Variants in XKR6 observed in about 807,000 individuals in gnomAD.
The protein encoded by XKR6 is XK related 6.
XKR6 carries 22 observed loss-of-function variants against 56.7 expected under a neutral mutation model. The ratio of observed to expected loss-of-function variants is 0.39; its 90% CI spans 0.28 to 0.55. The LOEUF (loss-of-function observed/expected upper bound fraction) is 0.55, where lower values mean the gene tolerates loss of function less well. XKR6 is among the 20% of genes least tolerant of loss of function. The probability of loss-of-function intolerance (pLI) is 0.66; values close to 1 mark genes in which losing one functional copy is unlikely to be tolerated. For synonymous variants in XKR6, 524 were observed against 387.8 expected (o/e 1.35, Z -4.13); for missense variants, 852 against 889.0 (o/e 0.96, Z 0.53).
intron 1 of XKR6, among the ~76,000 whole-genome samples, chr8:10,944,058 C>T (rs771697550): frequency 4.3e-4 from 65 of 152,226 alleles, no homozygotes; most frequent in Non-Finnish European, 9.1e-4. Flanking sequence ...AAGAGAGAAG[C>T]CTCTCCAGCT....
At chr8:11,038,177 T>G (rs1799194240) in intron 1 of XKR6, among the ~76,000 whole-genome samples, 1 of 152,230 alleles carries the variant, frequency 6.6e-6, no homozygotes, top group Non-Finnish European at 1.5e-5. Context: ...ATTCTAAGTT[T>G]TAACTTATGG....
intron 1 of XKR6, among the ~76,000 whole-genome samples, chr8:11,185,278 C>G (rs1367957514): frequency 7.9e-5 from 12 of 152,158 alleles, no homozygotes; most frequent in Admixed American, 7.2e-4. Context: ...AGGTATGGCT[C>G]ACATTTATTT....
intron 1 of XKR6, among the ~76,000 whole-genome samples, chr8:11,049,389 G>C (rs1273915332): frequency 6.6e-6 from 1 of 152,180 alleles, no homozygotes; most frequent in African/African-American, 2.4e-5. Context: ...GAGTCTATTT[G>C]TGAACAGGTG....
intron 1 of XKR6, among the ~76,000 whole-genome samples, chr8:11,054,951 C>A (rs1170669827): frequency 6.6e-6 from 1 of 152,144 alleles, no homozygotes; most frequent in African/African-American, 2.4e-5. Flanking sequence ...TGGGCTCAGG[C>A]CAATCCTGTC....
Position 10,979,828 on chromosome 8 carries a change from C to A in XKR6, c.765-54998G>T, listed in dbSNP as rs954262641. Among the ~76,000 whole-genome samples, 22 of 152,170 alleles carry A rather than the reference C, an allele frequency of 1.4e-4. No individual in the cohort carries two copies. The East Asian group carries it at 4.3e-3, about 29-fold the overall frequency. ...GAGGGGAGATCCAGGGCTGTGCCGTCACGCACAGACTCCCAGGCTGAGGTC... is the reference window on the plus strand; with the variant it reads ...GAGGGGAGATCCAGGGCTGTGCCGTAACGCACAGACTCCCAGGCTGAGGTC... On this transcript the variant is annotated intron_variant, in intron 1 of 2. Coordinates refer to ENST00000416569, the MANE Select transcript of XKR6 (RefSeq NM_173683.4).
intron 2 of XKR6, among the ~76,000 whole-genome samples, chr8:10,908,692 G>A (rs564753034): frequency 6.6e-6 from 1 of 152,266 alleles, no homozygotes; most frequent in South Asian, 2.1e-4. Flanking sequence ...TCCCTGCCAT[G>A]GTTTGAATGT....
At chr8:10,901,725 C>T (rs541249481) in intron 2 of XKR6, among the ~76,000 whole-genome samples, 40 of 152,260 alleles carry the variant, frequency 2.6e-4, no homozygotes, top group African/African-American at 7.9e-4. Context: ...CTCAGAAAAG[C>T]GTGAGTGCTG....
intron 1 of XKR6, among the ~76,000 whole-genome samples, chr8:11,015,360 A>C (rs6997281): frequency 0.037 from 5,649 of 151,672 alleles, 356 homozygotes; most frequent in African/African-American, 0.13. Flanking sequence ...TTCGGTCCAG[A>C]TTTTTGAGAT....
intron 1 of XKR6, among the ~76,000 whole-genome samples, chr8:11,008,598 T>C (rs1412273603): frequency 1.3e-5 from 2 of 152,054 alleles, no homozygotes; most frequent in Non-Finnish European, 2.9e-5. Flanking sequence ...TTTTTTCTTT[T>C]TTTAGTACAT....
chr8:11,132,483 TC>T (rs1044172472), intron 1 of XKR6, among the ~76,000 whole-genome samples: 1 of 151,864 alleles, frequency 6.6e-6, no homozygotes, highest in Non-Finnish European at 1.5e-5. Flanking sequence ...CTGCTCAGCC[TC>T]CCGAGTAGCT....
In XKR6 at chr8:11,201,473, C is replaced by A. The variant is rs943536325; in HGVS notation, c.-134G>T. 8.0e-5 allele frequency: 45 copies of A among 561,094 alleles called. No individual in the cohort carries two copies. The highest frequency in any genetic ancestry group is 7.0e-4 in the African/African-American group (34 of 48,916). The allele number at this position is 561,094 out of a possible 1,614,324, so 34.8% of individuals were successfully genotyped here. A position where few individuals can be genotyped will look rare whatever the true frequency, so the allele number is the denominator to read the frequency against. ...GGGAGGAAGCGGGGGAGCAAACGAA[C>A]GAGGGGGGAGTGGGCCAGGGAACCC... is the stretch of plus-strand genomic sequence containing the variant. On this transcript the variant is annotated 5_prime_UTR_variant, in exon 1 of 3. Coordinates refer to ENST00000416569, the MANE Select transcript of XKR6 (RefSeq NM_173683.4).
chr8:11,137,389 C>G, intron 1 of XKR6: 1 of 338,716 alleles, frequency 3.0e-6, no homozygotes, highest in South Asian at 2.3e-5. Context: ...AATCTTTCTT[C>G]ATTCACATAT....
intron 1 of XKR6, among the ~76,000 whole-genome samples, chr8:11,152,408 G>C (rs747692710): frequency 6.6e-6 from 1 of 152,158 alleles, no homozygotes; most frequent in Non-Finnish European, 1.5e-5. Flanking sequence ...CGAATATACT[G>C]AGTGGGATTT....
chr8:11,005,528 T>G (rs1237379116), intron 1 of XKR6, among the ~76,000 whole-genome samples: 2 of 152,220 alleles, frequency 1.3e-5, no homozygotes, highest in Non-Finnish European at 2.9e-5. Flanking sequence ...TCAATGCCAC[T>G]GAACTGTACA....
intron 1 of XKR6, among the ~76,000 whole-genome samples, chr8:11,001,715 G>A (rs73539359): frequency 0.044 from 6,655 of 152,282 alleles, 486 homozygotes; most frequent in African/African-American, 0.15. Context: ...AGAGCCCCAT[G>A]TGTTAATGAG....
At position 11,188,565 on chromosome 8, in the gene XKR6, A is replaced by G. The variant is rs544570899; in HGVS notation, c.764+12011T>C. On this transcript the variant is annotated intron_variant, in intron 1 of 2. Coordinates refer to ENST00000416569, the MANE Select transcript of XKR6 (RefSeq NM_173683.4). ...TTGATTGCTTAAACTTTGAACACAGAATTCCTTTTTGGAAGACATCATCTT... is the reference window on the plus strand; with the variant it reads ...TTGATTGCTTAAACTTTGAACACAGGATTCCTTTTTGGAAGACATCATCTT... Among the ~76,000 whole-genome samples, 6 of 152,286 alleles carry G rather than the reference A, an allele frequency of 3.9e-5. No individual in the cohort carries two copies. The South Asian group carries it at 1.2e-3, about 32-fold the overall frequency.
At chr8:11,121,648 C>G (rs369806931) in intron 1 of XKR6, among the ~76,000 whole-genome samples, 2 of 152,170 alleles carry the variant, frequency 1.3e-5, no homozygotes, top group African/African-American at 4.8e-5. Context: ...GGATCTAGAA[C>G]GGGAAACACC....
intron 1 of XKR6, among the ~76,000 whole-genome samples, chr8:10,957,661 G>A (rs1035686230): frequency 3.9e-5 from 6 of 152,200 alleles, no homozygotes; most frequent in Non-Finnish European, 1.5e-5. Flanking sequence ...CTGATGCCCA[G>A]TCTCACTCTG....
chr8:10,965,504 A>T (rs750481066), intron 1 of XKR6, among the ~76,000 whole-genome samples: 1 of 152,348 alleles, frequency 6.6e-6, no homozygotes, highest in East Asian at 1.9e-4. Flanking sequence ...TGCAGGGAGG[A>T]GGAACACAAG....
Sources: allele counts gnomAD v4.1 joint callset (sites outside exome capture counted in the v4.1 genomes callset), GRCh38; gene constraint gnomAD v4.1.1; transcripts MANE v1.5; gene names NCBI Gene and HGNC (gene_info 2026-07-23, HGNC 2026-07-21).